Variants in SH3PXD2B observed in about 807,000 individuals in gnomAD.
SH3PXD2B encodes SH3 and PX domain-containing protein 2B.
Under a neutral mutation model 73.1 loss-of-function variants are expected in SH3PXD2B, and 37 were observed. That is an observed-to-expected ratio of 0.51 (90% CI 0.39 to 0.67). The LOEUF (loss-of-function observed/expected upper bound fraction) is 0.67. Ranked by LOEUF, SH3PXD2B falls within the 30% of genes least tolerant of loss-of-function variation. The pLI, the probability that SH3PXD2B is intolerant of heterozygous loss-of-function variation, is 0.00. For synonymous variants in SH3PXD2B, 457 were observed against 480.5 expected (o/e 0.95, Z 0.64); for missense variants, 1,053 against 1,197.8 (o/e 0.88, Z 1.78).
In SH3PXD2B at chr5:172,338,470, G is replaced by A. The variant is rs767729554; in HGVS notation, c.2635C>T (p.Arg879Trp). Residue 879 changes from arginine to tryptophan, a missense_variant, in exon 13 of 13, where the codon CGG becomes TGG. By Grantham distance (101) the Arg-to-Trp change is moderately radical (BLOSUM62 -3). Around this residue, in one of 2 missense-constraint regions of SH3PXD2B, gnomAD observed 587 missense variants for 590.7 expected, o/e 0.99. Coordinates refer to ENST00000311601, the MANE Select transcript of SH3PXD2B (RefSeq NM_001017995.3). This position sits in a 1 kb window ranked among gnomAD's most constrained non-coding sequence, Gnocchi z 5.1. ...CACCAGCCACTGCTGTTCTTCTCCC[G>A]GACTTCAAACACTGTCCCTTCCTGG... ...SFQEGTVFEV[R>W]EKNSSGWWFC... 1.4e-5 allele frequency: 23 copies of A among 1,614,040 alleles called. No individual in the cohort carries two copies. The highest frequency in any genetic ancestry group is 2.2e-5 in the East Asian group (1 of 44,888).
At chr5:172,412,596 G>C (rs1289152536) in intron 2 of SH3PXD2B, among the ~76,000 whole-genome samples, 2 of 152,152 alleles carry the variant, frequency 1.3e-5, no homozygotes, top group African/African-American at 4.8e-5. Flanking sequence ...GGGGATTAGA[G>C]CCCTGCAAGC....
chr5:172,430,394 G>A (rs558333345), intron 1 of SH3PXD2B, among the ~76,000 whole-genome samples: 16 of 152,330 alleles, frequency 1.1e-4, no homozygotes, highest in African/African-American at 2.9e-4. Flanking sequence ...GGGAACACAG[G>A]CCCACTGTGC....
At chr5:172,428,064 C>T (rs946489109) in intron 1 of SH3PXD2B, among the ~76,000 whole-genome samples, 1 of 152,178 alleles carries the variant, frequency 6.6e-6, no homozygotes, top group African/African-American at 2.4e-5. Context: ...GCATGAGCCA[C>T]CGCACCTGGC....
intron 2 of SH3PXD2B, among the ~76,000 whole-genome samples, chr5:172,414,551 A>G (rs1017156954): frequency 6.6e-6 from 1 of 151,530 alleles, no homozygotes. Flanking sequence ...ATGACTTGGG[A>G]CAGTCTCTGG....
At chr5:172,393,640 T>C (rs566598602) in intron 4 of SH3PXD2B, among the ~76,000 whole-genome samples, 1 of 152,190 alleles carries the variant, frequency 6.6e-6, no homozygotes, top group South Asian at 2.1e-4. Flanking sequence ...GAGGGGGAGA[T>C]TGTTCACTGC....
chr5:172,350,264 TG>T, intron 10 of SH3PXD2B, 98 bp downstream of exon 10: 1 of 1,166,636 alleles, frequency 8.6e-7, no homozygotes, highest in Non-Finnish European at 1.2e-6. Context: ...GGGGAGCAGC[TG>T]GGCTGCTGTG....
At chr5:172,431,063 CA>C (rs1759226994) in intron 1 of SH3PXD2B, among the ~76,000 whole-genome samples, 3 of 152,140 alleles carry the variant, frequency 2.0e-5, no homozygotes, top group African/African-American at 4.8e-5. Flanking sequence ...GACGGGGTTT[CA>C]CCATGTTCCC....
chr5:172,390,866 A>C (rs1758173926), intron 4 of SH3PXD2B, among the ~76,000 whole-genome samples: 1 of 141,714 alleles, frequency 7.1e-6, no homozygotes, highest in African/African-American at 2.7e-5. Flanking sequence ...TGTGTGACAG[A>C]GTTTTGCCCT....
intron 1 of SH3PXD2B, among the ~76,000 whole-genome samples, chr5:172,438,597 G>T (rs1759448858): frequency 6.6e-6 from 1 of 152,176 alleles, no homozygotes; most frequent in Non-Finnish European, 1.5e-5. Flanking sequence ...AAACAGAGCT[G>T]GCTTTGTCAC....
intron 4 of SH3PXD2B, among the ~76,000 whole-genome samples, chr5:172,393,535 TTTTC>T (rs1758233913): frequency 6.6e-6 from 1 of 152,172 alleles, no homozygotes; most frequent in East Asian, 1.9e-4. Flanking sequence ...TCTGGATGGC[TTTTC>T]TTTCTTTTTT....
chr5:172,329,083 A>ATATTTT (rs58472514), downstream of SH3PXD2B, among the ~76,000 whole-genome samples: 459 of 61,748 alleles, frequency 7.4e-3, 12 homozygotes, highest in African/African-American at 0.027. Context: ...ATATATATAT[A>ATATTTT]TTTTTTTTTT....
chr5:172,392,893 T>C (rs2113395718), intron 4 of SH3PXD2B, among the ~76,000 whole-genome samples: 1 of 152,396 alleles, frequency 6.6e-6, no homozygotes, highest in East Asian at 1.9e-4. Context: ...TAGGATTTTA[T>C]TTCTGGACTC....
chr5:172,385,284 A>G (rs1758035271), intron 4 of SH3PXD2B, among the ~76,000 whole-genome samples: 1 of 152,040 alleles, frequency 6.6e-6, no homozygotes, highest in Non-Finnish European at 1.5e-5. Flanking sequence ...CTTCCCCCCA[A>G]GACTACAATA....
intron 2 of SH3PXD2B, among the ~76,000 whole-genome samples, chr5:172,420,546 A>T (rs936890615): frequency 6.6e-6 from 1 of 152,234 alleles, no homozygotes; most frequent in Middle Eastern, 3.2e-3. Context: ...TGGCAAAAAG[A>T]CAGGATGATG....
intron 10 of SH3PXD2B, 146 bp downstream of exon 10, chr5:172,350,217 G>C: frequency 2.7e-6 from 2 of 731,314 alleles, no homozygotes; most frequent in Admixed American, 2.9e-5. Context: ...TAAGTTACCC[G>C]GGGTTTCTGG....
intron 3 of SH3PXD2B, among the ~76,000 whole-genome samples, chr5:172,398,362 T>C (rs1758352933): frequency 6.6e-6 from 1 of 152,264 alleles, no homozygotes; most frequent in Non-Finnish European, 1.5e-5. Flanking sequence ...TGCAGTTCAT[T>C]ATCAATGGAA....
In SH3PXD2B at chr5:172,335,601, A is replaced by G. The variant is rs1012110846; in HGVS notation, c.*2768T>C. On this transcript the variant is annotated 3_prime_UTR_variant, in exon 13 of 13. Coordinates refer to ENST00000311601, the MANE Select transcript of SH3PXD2B (RefSeq NM_001017995.3). ...CGTGTGTGTTTAGGCACTGGTCACC[A>G]GCCCGGTGCTTGGCACCATTGTCAC... The G allele has an allele frequency of 1.6e-6, 2 of 1,231,862 alleles. No individual in the cohort carries two copies. Among genetic ancestry groups the G allele is most frequent in the Non-Finnish European group, 2.0e-6 (2 of 988,062 alleles). 76.3% of individuals were successfully genotyped at this position (1,231,862 alleles called of 1,614,324 possible).
intron 1 of SH3PXD2B, among the ~76,000 whole-genome samples, chr5:172,446,946 T>A (rs757997551): frequency 6.6e-6 from 1 of 152,136 alleles, no homozygotes; most frequent in Non-Finnish European, 1.5e-5. Context: ...GAAAGCCACA[T>A]CCAGAGACCT....
At chr5:172,446,522 C>T (rs1371867078) in intron 1 of SH3PXD2B, among the ~76,000 whole-genome samples, 1 of 152,222 alleles carries the variant, frequency 6.6e-6, no homozygotes, top group Non-Finnish European at 1.5e-5. Context: ...ACAGCTCTTT[C>T]TCCGAGGAAA....
Sources: gnomAD v4.1 joint callset for allele counts (sites outside exome capture counted in the v4.1 genomes callset) on GRCh38, gnomAD v4.1.1 for gene constraint, gnomAD v4.1.1 regional missense constraint, Gnocchi (gnomAD v3.1) non-coding constraint, MANE v1.5 for transcripts, NCBI Gene and HGNC (gene_info 2026-07-23, HGNC 2026-07-21) for gene names.